ARX: variants seen among roughly 807,000 people sequenced by gnomAD.
ARX encodes the protein aristaless related homeobox, also known as homeobox protein ARX.
A neutral mutation model predicts 23.1 loss-of-function variants in ARX; 1 was observed. That is an observed-to-expected ratio of 0.04 (90% CI 0.02 to 0.21). ARX has a LOEUF of 0.21. Among genes scored for constraint, ARX ranks in the 10% least tolerant of loss-of-function variants. ARX has a pLI of 1.00. For missense variants in ARX, 380 were observed against 527.5 expected (o/e 0.72, Z 2.74); for synonymous variants, 301 against 270.1 (o/e 1.11, Z -1.12).
At chrX:25,012,349 A>G (rs966245973) in intron 2 of ARX, among the ~76,000 whole-genome samples, 4 of 112,976 alleles carry the variant, frequency 3.5e-5, no homozygotes, top group Non-Finnish European at 7.5e-5. Flanking sequence ...CTGAAACGAC[A>G]GAACTCGGAT....
chrX:25,010,189 C>CA, intron 3 of ARX, 71 bp downstream of exon 3: 5 of 1,071,298 alleles, frequency 4.7e-6, no homozygotes, highest in Non-Finnish European at 6.4e-6. Flanking sequence ...CCCCCGCCAC[C>CA]AACCCATCTC....
chrX:25,015,345 T>C, intron 1 of ARX, among the ~76,000 whole-genome samples, 197 bp downstream of exon 1: 1 of 111,621 alleles, frequency 9.0e-6, no homozygotes, highest in Non-Finnish European at 1.9e-5. Context: ...CGGGCCTTTT[T>C]CTGGAAGCAG....
rs2048667792 is a variant in ARX at position 25,004,498 on chromosome X, C to T, written c.*172G>A. On this transcript the variant is annotated 3_prime_UTR_variant, in exon 5 of 5. Coordinates refer to ENST00000379044, the MANE Select transcript of ARX (RefSeq NM_139058.3). ...ACAGCCAGCCGAGGAGGTGCCACGT[C>T]CCGGAGCGCCGAGGGCTGCCATGCC... The T allele has an allele frequency of 4.5e-6, 4 of 893,232 alleles. No homozygotes were observed. Among genetic ancestry groups the T allele is most frequent in the Non-Finnish European group, 6.1e-6 (4 of 653,569 alleles). The allele number at this position is 893,232 out of a possible 1,213,427, so 73.6% of individuals were successfully genotyped here.
At position 25,015,825 on chromosome X, in the gene ARX, G is replaced by A. The variant is rs1436688609; in HGVS notation, c.-88C>T. 24 of 960,857 alleles carry A rather than the reference G, an allele frequency of 2.5e-5. No individual in the cohort carries two copies. In the Admixed American group the frequency reaches 6.2e-4, roughly 25 times the overall value. The allele number at this position is 960,857 out of a possible 1,213,427, so 79.2% of individuals were successfully genotyped here. A position where few individuals can be genotyped will look rare whatever the true frequency, so the allele number is the denominator to read the frequency against. ...ATGGATGGGTGTGTGTTGGGGGTGGGGTTAGATAGCGGGTTATAACGGATA... is the reference window on the plus strand; with the variant it reads ...ATGGATGGGTGTGTGTTGGGGGTGGAGTTAGATAGCGGGTTATAACGGATA... On this transcript the variant is annotated 5_prime_UTR_variant, in exon 1 of 5. Transcript: ENST00000379044.
In ARX at chrX:25,013,196, G is replaced by A; in HGVS notation, c.799C>T (p.Pro267Ser). The A allele has an allele frequency of 1.7e-6, 2 of 1,176,798 alleles. No homozygotes were observed. Among genetic ancestry groups the A allele is most frequent in the Non-Finnish European group, 2.3e-6 (2 of 879,032 alleles). Residue 267 changes from proline to serine, a missense_variant, in exon 2 of 5, where the codon CCT becomes TCT. Around this residue, in one of 3 missense-constraint regions of ARX, gnomAD observed 235 missense variants for 270.2 expected, o/e 0.87. Transcript: ENST00000379044. The part of the protein sequence containing the change: ...RALLKEPRRC[P>S]VAATGAVAAA... ...GCCACGGCGCCAGTGGCGGCCACAG[G>A]ACAGCGCCGGGGCTCCTTGAGCAGC...
chrX:25,008,718 G>T (rs1490557314), intron 3 of ARX, among the ~76,000 whole-genome samples: 1 of 112,021 alleles, frequency 8.9e-6, no homozygotes, highest in Non-Finnish European at 1.9e-5. Flanking sequence ...TTATCCCAGA[G>T]GAATATATTT....
rs949009517 is a variant in ARX, at chrX:25,013,204, C to T, written c.791G>A (p.Arg264Gln). 5.1e-6 allele frequency: 6 copies of T among 1,174,156 alleles called. No individual in the cohort carries two copies. Among genetic ancestry groups the T allele is most frequent in the Non-Finnish European group, 6.8e-6 (6 of 877,876 alleles). ...GCCAGTGGCGGCCACAGGACAGCGCCGGGGCTCCTTGAGCAGCGCGCGGGC... is the reference window on the plus strand; with the variant it reads ...GCCAGTGGCGGCCACAGGACAGCGCTGGGGCTCCTTGAGCAGCGCGCGGGC... The part of the protein sequence containing the change: ...DDARALLKEP[R>Q]RCPVAATGAV... Residue 264 changes from arginine to glutamine, a missense_variant, in exon 2 of 5, where the codon CGG (arginine) becomes CAG (glutamine). Physicochemically the swap from Arg to Gln is conservative, Grantham distance 43. Around this residue, in one of 3 missense-constraint regions of ARX, gnomAD observed 235 missense variants for 270.2 expected, o/e 0.87. Coordinates refer to ENST00000379044, the MANE Select transcript of ARX (RefSeq NM_139058.3).
chrX:25,015,501 G>T (rs1249349127), intron 1 of ARX, 41 bp downstream of exon 1: 2 of 1,193,065 alleles, frequency 1.7e-6, no homozygotes, highest in Admixed American at 2.2e-5. Context: ...CCAAATCAGG[G>T]CCCAATGCCC....
chrX:25,007,472 G>GT, intron 3 of ARX, 33 bp from the exon 4 acceptor site: 2 of 1,140,939 alleles, frequency 1.8e-6, no homozygotes, highest in Non-Finnish European at 2.3e-6. Context: ...GGTCGGCGCG[G>GT]CTCGGCCCGG....
Position 25,004,657 on chromosome X carries a change from T to TGGGCGC in ARX, c.*12_*13insGCGCCC. On this transcript the variant is annotated 3_prime_UTR_variant, in exon 5 of 5. Coordinates refer to ENST00000379044, the MANE Select transcript of ARX (RefSeq NM_139058.3). The stretch of plus-strand genomic sequence containing the variant: ...TCGGGGCGCGCGCGGGGCGCGGGTG[T>TGGGCGC]GGAGGGCAGCCTTTAGCACACCTCC... 8.6e-7 allele frequency: 1 copy of TGGGCGC among 1,164,300 alleles called. No homozygotes were observed. Among genetic ancestry groups the TGGGCGC allele is most frequent in the Non-Finnish European group, 1.1e-6 (1 of 872,605 alleles).
Position 25,012,833 on chromosome X carries a change from G to T in ARX, c.1073+89C>A, listed in dbSNP as rs959984312. On this transcript the variant is annotated intron_variant, in intron 2 of 4. Transcript: ENST00000379044. ...AGTCCAGGAGCCAAGCGTCCGCCCCGAGGCCGGGGCCCCTGCCAGCCCGCT... is the reference window on the plus strand; with the variant it reads ...AGTCCAGGAGCCAAGCGTCCGCCCCTAGGCCGGGGCCCCTGCCAGCCCGCT... 31 of 1,160,782 alleles carry T rather than the reference G, an allele frequency of 2.7e-5. No individual in the cohort carries two copies. In the African/African-American group the frequency reaches 5.2e-4, roughly 20 times the overall value.
chrX:25,004,503 A>G lies in ARX; in HGVS notation c.*167T>C, dbSNP rs1601945506. On this transcript the variant is annotated 3_prime_UTR_variant, in exon 5 of 5. Transcript: ENST00000379044. ...CAGCCGAGGAGGTGCCACGTCCCGGAGCGCCGAGGGCTGCCATGCCCGCAT... is the reference window on the plus strand; with the variant it reads ...CAGCCGAGGAGGTGCCACGTCCCGGGGCGCCGAGGGCTGCCATGCCCGCAT... 1.1e-6 allele frequency: 1 copy of G among 913,034 alleles called. No individual in the cohort carries two copies. The highest frequency in any genetic ancestry group is 3.6e-5 in the East Asian group (1 of 27,907). 75.2% of individuals were successfully genotyped at this position (913,034 alleles called of 1,213,427 possible). A position where few individuals can be genotyped will look rare whatever the true frequency, so the allele number is the denominator to read the frequency against.
chrX:25,004,308 G>C lies in ARX; in HGVS notation c.*362C>G, dbSNP rs774656902. On this transcript the variant is annotated 3_prime_UTR_variant, in exon 5 of 5. Coordinates refer to ENST00000379044, the MANE Select transcript of ARX (RefSeq NM_139058.3). ...AAGAAAGAAAAGAAAGGCTAAGTGG[G>C]GTGTCAGGAGGAAGAGGTTGGGCTT... 5 of 190,548 alleles carry C rather than the reference G, an allele frequency of 2.6e-5. No individual in the cohort carries two copies. The highest frequency in any genetic ancestry group is 3.8e-5 in the Non-Finnish European group (4 of 105,253). 15.7% of individuals were successfully genotyped at this position (190,548 alleles called of 1,213,427 possible). A position where few individuals can be genotyped will look rare whatever the true frequency, so the allele number is the denominator to read the frequency against.
intron 2 of ARX, among the ~76,000 whole-genome samples, chrX:25,011,509 G>A (rs2048702614): frequency 8.8e-6 from 1 of 113,182 alleles, no homozygotes; most frequent in Non-Finnish European, 1.9e-5. Context: ...AAATACACAC[G>A]TACGATAAAC....
At chrX:25,009,494 T>C (rs2048692888) in intron 3 of ARX, among the ~76,000 whole-genome samples, 1 of 111,335 alleles carries the variant, frequency 9.0e-6, no homozygotes, top group African/African-American at 3.3e-5. Flanking sequence ...CCATATGGAA[T>C]TTATTGTGCT....
intron 4 of ARX, among the ~76,000 whole-genome samples, chrX:25,005,726 G>A (rs755230905): frequency 8.9e-6 from 1 of 112,725 alleles, no homozygotes; most frequent in East Asian, 2.8e-4. Context: ...CGATGCCCAA[G>A]CCTGGGACCC....
At position 25,013,543 on chromosome X, in the gene ARX, G is replaced by A. The variant is rs1439646032; in HGVS notation, c.452C>T (p.Ala151Val). The stretch of plus-strand genomic sequence containing the variant: ...GAGCGTGTCCCAGGCCGCGGCGGCC[G>A]CGGCCGCGGCTGCCGCGGCGGCCCC... The part of the protein sequence containing the change: ...GAGAAAAAAA[A>V]AAAAWDTLKI... The change falls in exon 2 of 5, where the codon GCG becomes GTG. Residue 151 changes from alanine to valine, a missense_variant. By Grantham distance (64) the Ala-to-Val change is moderately conservative (BLOSUM62 0). This residue lies in a region of ARX where 235 missense variants were observed against 270.2 expected (regional missense o/e 0.87). Coordinates refer to ENST00000379044, the MANE Select transcript of ARX (RefSeq NM_139058.3). 4 of 797,549 alleles carry A rather than the reference G, an allele frequency of 5.0e-6. No homozygotes were observed. The highest frequency in any genetic ancestry group is 6.0e-6 in the Non-Finnish European group (4 of 671,271). The allele number at this position is 797,549 out of a possible 1,213,427, so 65.7% of individuals were successfully genotyped here.
At chrX:25,012,892 G>A (rs753910687) in intron 2 of ARX, 30 bp downstream of exon 2, 7 of 1,194,831 alleles carry the variant, frequency 5.9e-6, no homozygotes, top group Admixed American at 4.5e-5. Flanking sequence ...GCTCTCTGCC[G>A]CTGCGACCGC....
At chrX:25,009,162 C>T (rs2048691381) in intron 3 of ARX, among the ~76,000 whole-genome samples, 1 of 111,624 alleles carries the variant, frequency 9.0e-6, no homozygotes, top group South Asian at 3.8e-4. Flanking sequence ...GGCTCAACTG[C>T]AATTATCAAG....
Sources: gnomAD v4.1 joint callset for allele counts (sites outside exome capture counted in the v4.1 genomes callset) on GRCh38, gnomAD v4.1.1 for gene constraint, gnomAD v4.1.1 regional missense constraint, MANE v1.5 for transcripts, NCBI Gene and HGNC (gene_info 2026-07-23, HGNC 2026-07-21) for gene names.